CWF19L1: variants seen among roughly 807,000 people sequenced by gnomAD.
CWF19L1 encodes CWF19 like cell cycle control factor 1, also known as CWF19-like protein 1.
In CWF19L1, 60 loss-of-function variants were observed where a neutral mutation model predicts 69.7. The ratio of observed to expected loss-of-function variants is 0.86; its 90% CI spans 0.70 to 1.07. The LOEUF (loss-of-function observed/expected upper bound fraction) is 1.07. CWF19L1 is among the 50% of genes least tolerant of loss of function. The pLI, the probability that CWF19L1 is intolerant of heterozygous loss-of-function variation, is 0.00. For missense variants in CWF19L1, 591 were observed against 638.9 expected (o/e 0.92, Z 0.81); for synonymous variants, 209 against 222.2 (o/e 0.94, Z 0.53).
intron 5 of CWF19L1, 72 bp from the exon 6 acceptor site, chr10:100,253,611 T>G (rs1264682654): frequency 1.3e-5 from 11 of 871,954 alleles, no homozygotes; most frequent in Non-Finnish European, 2.1e-5. Flanking sequence ...AATAAGACAT[T>G]TTGAAATGTC....
At chr10:100,239,037 A>C (rs767985281) in intron 10 of CWF19L1, among the ~76,000 whole-genome samples, 1 of 150,826 alleles carries the variant, frequency 6.6e-6, no homozygotes, top group East Asian at 2.0e-4. Context: ...AAAAGCTAAG[A>C]TGGCATGATT....
At chr10:100,267,021 G>A (rs537420831) in intron 1 of CWF19L1, among the ~76,000 whole-genome samples, 1 of 151,434 alleles carries the variant, frequency 6.6e-6, no homozygotes, top group African/African-American at 2.4e-5. Context: ...TAGACTCTAC[G>A]CTCCATTAAA....
intron 1 of CWF19L1, among the ~76,000 whole-genome samples, chr10:100,266,358 T>C (rs1052874886): frequency 2.2e-4 from 32 of 146,066 alleles, no homozygotes; most frequent in African/African-American, 8.5e-4. Context: ...TTTTTTTTTT[T>C]CTGTATTTTT....
chr10:100,245,781 T>C lies in CWF19L1; in HGVS notation c.964+18A>G. ...AGTTACTGTTCATAGAAGAAACCTC[T>C]GGAATAAAGGTACTTACGAGGTTTG... On this transcript the variant is annotated intron_variant, in intron 9 of 13. Transcript: ENST00000354105. 6.3e-7 allele frequency: 1 copy of C among 1,583,506 alleles called. No homozygotes were observed. Among genetic ancestry groups the C allele is most frequent in the Non-Finnish European group, 8.7e-7 (1 of 1,152,458 alleles).
intron 10 of CWF19L1, among the ~76,000 whole-genome samples, chr10:100,243,042 T>C (rs1219119355): frequency 6.6e-6 from 1 of 152,216 alleles, no homozygotes; most frequent in African/African-American, 2.4e-5. Flanking sequence ...TGCAGTCATT[T>C]TGGAAAACAG....
Position 100,238,212 on chromosome 10 carries a change from T to C in CWF19L1, c.1064A>G (p.Lys355Arg), listed in dbSNP as rs1468565686. Reference sequence around the variant, plus strand: ...GACATGGTCATCAGATAAGCCTCCTTTGGCCAGGGCAAGGTAGCACTGAAG... The same window carrying C: ...GACATGGTCATCAGATAAGCCTCCTCTGGCCAGGGCAAGGTAGCACTGAAG... The part of the protein sequence containing the change: ...IGTHCYLALA[K>R]GGLSDDHVLI... Residue 355 changes from lysine to arginine, a missense_variant, in exon 11 of 14, where the codon AAA becomes AGA. Lys to Arg is a conservative substitution (Grantham distance 26, BLOSUM62 2). This residue lies in a region of CWF19L1 where 458 missense variants were observed against 489.3 expected (regional missense o/e 0.94). Transcript: ENST00000354105. 6.2e-7 allele frequency: 1 copy of C among 1,614,194 alleles called. No homozygotes were observed. The highest frequency in any genetic ancestry group is 2.2e-5 in the East Asian group (1 of 44,882).
Position 100,243,745 on chromosome 10 carries a change from C to G in CWF19L1, c.997G>C (p.Ala333Pro), listed in dbSNP as rs1167722196. The change falls in exon 10 of 14, where the codon GCT (alanine) becomes CCT (proline). Residue 333 changes from alanine (A) to proline (P), a missense_variant. Around this residue, in one of 3 missense-constraint regions of CWF19L1, gnomAD observed 458 missense variants for 489.3 expected, o/e 0.94. Transcript: ENST00000354105. ...QPPGPCWFCLASPEVEKHLVV... is the reference protein window; with the variant it reads ...QPPGPCWFCLPSPEVEKHLVV... The stretch of plus-strand genomic sequence containing the variant: ...AAATGTTTTTCCACTTCAGGGCTAG[C>G]AAGGCAAAACCAGCAGGGTCCTGGA... 1.2e-6 allele frequency: 2 copies of G among 1,614,146 alleles called. No individual in the cohort carries two copies. Among genetic ancestry groups the G allele is most frequent in the Non-Finnish European group, 1.7e-6 (2 of 1,180,002 alleles).
intron 10 of CWF19L1, among the ~76,000 whole-genome samples, chr10:100,240,687 G>A (rs1416219927): frequency 2.0e-5 from 3 of 152,176 alleles, no homozygotes; most frequent in African/African-American, 7.2e-5. Flanking sequence ...ACTGAGCTAT[G>A]TCACACATTC....
At chr10:100,239,976 G>C (rs1846586278) in intron 10 of CWF19L1, among the ~76,000 whole-genome samples, 1 of 152,134 alleles carries the variant, frequency 6.6e-6, no homozygotes, top group Admixed American at 6.6e-5. Flanking sequence ...GAAGGTCACT[G>C]CCATAAACAT....
At chr10:100,239,982 A>G (rs1846586591) in intron 10 of CWF19L1, among the ~76,000 whole-genome samples, 3 of 152,216 alleles carry the variant, frequency 2.0e-5, no homozygotes, top group Admixed American at 1.3e-4. Context: ...CACTGCCATA[A>G]ACATCAGCTT....
rs1265746662 is a variant in CWF19L1, at chr10:100,262,014, C to T, written c.73G>A (p.Val25Ile). The change falls in exon 2 of 14, where the codon GTT (valine) becomes ATT (isoleucine). Residue 25 changes from valine (V) to isoleucine (I), a missense_variant. Val to Ile is a conservative substitution (Grantham distance 29, BLOSUM62 3). Transcript: ENST00000354105. ...EGKFDILFNR[V>I]QAIQKKSGNF... Reference sequence around the variant, plus strand: ...CCACTTTTCTTCTGAATTGCTTGAACTCTATTGAATAAAATATCAAACTTT... The same window carrying T: ...CCACTTTTCTTCTGAATTGCTTGAATTCTATTGAATAAAATATCAAACTTT... 1 of 1,609,340 alleles carries T rather than the reference C, an allele frequency of 6.2e-7. No individual in the cohort carries two copies. Among genetic ancestry groups the T allele is most frequent in the Non-Finnish European group, 8.5e-7 (1 of 1,178,858 alleles).
Position 100,250,300 on chromosome 10 carries a change from T to G in CWF19L1, c.656A>C (p.His219Pro). The stretch of plus-strand genomic sequence containing the variant: ...TGCCAGAGCTATAAACCGGGTGGCA[T>G]GCTGTGCATTTTCCTGTAGAATGAT... ...NHIILQENAQ[H>P]ATRFIALANV... The change falls in exon 7 of 14, where the codon CAT becomes CCT. Residue 219 changes from histidine (H) to proline (P), a missense_variant. His to Pro is a moderately conservative substitution (Grantham distance 77). This residue lies in a region of CWF19L1 where 458 missense variants were observed against 489.3 expected (regional missense o/e 0.94). Transcript: ENST00000354105. 6.2e-7 allele frequency: 1 copy of G among 1,612,944 alleles called. No individual in the cohort carries two copies. Among genetic ancestry groups the G allele is most frequent in the Non-Finnish European group, 8.5e-7 (1 of 1,179,078 alleles).
chr10:100,237,260 T>G, intron 11 of CWF19L1: 1 of 597,434 alleles, frequency 1.7e-6, no homozygotes, highest in African/African-American at 1.8e-5. Flanking sequence ...TTAGGCCCAT[T>G]TGAAAACTTA....
chr10:100,240,341 G>GA (rs1791179221), intron 10 of CWF19L1, among the ~76,000 whole-genome samples: 1 of 152,002 alleles, frequency 6.6e-6, no homozygotes, highest in South Asian at 2.1e-4. Flanking sequence ...GAAAGCCAGG[G>GA]AAAAAATTTA....
intron 1 of CWF19L1, among the ~76,000 whole-genome samples, chr10:100,267,053 AC>A (rs1438533249): frequency 6.6e-6 from 1 of 150,864 alleles, no homozygotes; most frequent in Non-Finnish European, 1.5e-5. Flanking sequence ...ATCTGTTGCA[AC>A]ACCTAGCACA....
chr10:100,263,335 C>G (rs1847467334), intron 1 of CWF19L1, among the ~76,000 whole-genome samples: 1 of 152,090 alleles, frequency 6.6e-6, no homozygotes, highest in African/African-American at 2.4e-5. Context: ...GTAGTTCCAC[C>G]CTACCCATCC....
chr10:100,248,545 G>T, intron 7 of CWF19L1: 1 of 717,090 alleles, frequency 1.4e-6, no homozygotes. Context: ...GTGCACATGG[G>T]GGCCTGTCGC....
chr10:100,260,124 C>G, intron 4 of CWF19L1, 94 bp downstream of exon 4: 2 of 714,858 alleles, frequency 2.8e-6, no homozygotes, highest in Non-Finnish European at 4.7e-6. Context: ...GCCAAGATTG[C>G]GCCACTGCAC....
In CWF19L1 at chr10:100,251,505, CTTTTTTTTTTTTTTT is replaced by C. The variant is rs1208146959; in HGVS notation, c.624-1188_624-1174del. 4.5e-5 allele frequency among the ~76,000 whole-genome samples: 4 copies of C among 88,310 alleles called. No individual in the cohort carries two copies. The East Asian group carries it at 1.4e-3, about 30-fold the overall frequency. 57.9% of individuals were successfully genotyped at this position (88,310 alleles called of 152,430 possible). On this transcript the variant is annotated intron_variant, in intron 6 of 13. Coordinates refer to ENST00000354105, the MANE Select transcript of CWF19L1 (RefSeq NM_018294.6). ...AGCATCTTTTTATATGTCTATTGGC[CTTTTTTTTTTTTTTT>C]TTTTTTTTTGAGACGGAGTCTCACT...
Sources: gnomAD v4.1 joint callset for allele counts (sites outside exome capture counted in the v4.1 genomes callset) on GRCh38, gnomAD v4.1.1 for gene constraint, gnomAD v4.1.1 regional missense constraint, MANE v1.5 for transcripts, NCBI Gene and HGNC (gene_info 2026-07-23, HGNC 2026-07-21) for gene names.